SORCS2: variants seen among roughly 807,000 people sequenced by gnomAD.
The protein encoded by SORCS2 is VPS10 domain-containing receptor SorCS2.
SORCS2 carries 100 observed loss-of-function variants against 141.6 expected under a neutral mutation model. That is an observed-to-expected ratio of 0.71 (90% CI 0.60 to 0.83). The LOEUF (loss-of-function observed/expected upper bound fraction) is 0.83, where lower values mean the gene tolerates loss of function less well. Ranked by LOEUF, SORCS2 falls within the 40% of genes least tolerant of loss-of-function variation. SORCS2 has a pLI of 0.00. For synonymous variants in SORCS2, 789 were observed against 676.9 expected, an observed-to-expected ratio of 1.17 and a Z score of -2.57; for missense variants, 1,646 against 1,560.2, an observed-to-expected ratio of 1.05 and a Z score of -0.93.
In SORCS2 at chr4:7,585,320, C is replaced by A. The variant is rs185955114; in HGVS notation, c.649-53008C>A. ...GCATTCCTGCACCAGTATCTCAAAA[C>A]CCGCCGGACTTCCAAGGGGTGGTTT... On this transcript the variant is annotated intron_variant, in intron 3 of 26. Transcript: ENST00000507866. Among the ~76,000 whole-genome samples, 424 of 152,286 alleles carry A rather than the reference C, an allele frequency of 2.8e-3. 1 individual carries two copies. The highest frequency in any genetic ancestry group is 9.6e-3 in the African/African-American group (398 of 41,548).
At chr4:7,498,420 G>A (rs1454195186) in intron 2 of SORCS2, among the ~76,000 whole-genome samples, 5 of 152,210 alleles carry the variant, frequency 3.3e-5, no homozygotes, top group African/African-American at 1.2e-4. Flanking sequence ...GAATGTACAG[G>A]CAAGACGCCA....
At chr4:7,656,543 C>G (rs530311574) in intron 5 of SORCS2, among the ~76,000 whole-genome samples, 2 of 152,322 alleles carry the variant, frequency 1.3e-5, no homozygotes, top group East Asian at 3.9e-4. Context: ...CTTGGATAGG[C>G]TCGGGCCCAC....
At chr4:7,720,729 A>G (rs1726529894) in intron 18 of SORCS2, among the ~76,000 whole-genome samples, 1 of 152,234 alleles carries the variant, frequency 6.6e-6, no homozygotes, top group East Asian at 1.9e-4. Flanking sequence ...AATGACAGGT[A>G]AGCACACGAA....
intron 11 of SORCS2, among the ~76,000 whole-genome samples, chr4:7,695,379 G>A: frequency 1.4e-5 from 1 of 73,094 alleles, no homozygotes; most frequent in Non-Finnish European, 2.6e-5. Context: ...TGGATGGATG[G>A]ATGGATTGGT....
intron 2 of SORCS2, among the ~76,000 whole-genome samples, chr4:7,438,050 G>T (rs956306568): frequency 4.6e-5 from 7 of 152,182 alleles, no homozygotes; most frequent in African/African-American, 1.7e-4. Context: ...TGAAAATAAA[G>T]AACTGTAGTG....
chr4:7,627,645 GA>G (rs1719602209), intron 3 of SORCS2, among the ~76,000 whole-genome samples: 1 of 152,216 alleles, frequency 6.6e-6, no homozygotes, highest in African/African-American at 2.4e-5. Context: ...GAGGAGCCAT[GA>G]AAAATGCCTT....
intron 2 of SORCS2, among the ~76,000 whole-genome samples, chr4:7,455,299 G>GGA (rs1281800301): frequency 2.0e-5 from 1 of 49,316 alleles, no homozygotes; most frequent in African/African-American, 9.4e-5. Context: ...GTTGGGGTCA[G>GGA]GCACTGTGTT....
intron 3 of SORCS2, among the ~76,000 whole-genome samples, chr4:7,593,927 A>G (rs1041400338): frequency 6.6e-6 from 1 of 152,214 alleles, no homozygotes; most frequent in Non-Finnish European, 1.5e-5. Context: ...TGCTCTTGTT[A>G]TGGGAAATGA....
chr4:7,458,807 TC>T (rs1218837999), intron 2 of SORCS2, among the ~76,000 whole-genome samples: 1 of 151,266 alleles, frequency 6.6e-6, no homozygotes, highest in African/African-American at 2.4e-5. Context: ...AGTGGTGGTG[TC>T]CCCAGGGGTC....
chr4:7,513,918 G>A (rs1732815444), intron 2 of SORCS2, among the ~76,000 whole-genome samples: 1 of 152,250 alleles, frequency 6.6e-6, no homozygotes, highest in African/African-American at 2.4e-5. Flanking sequence ...TGTGGCTGGA[G>A]GCGGGTGACG....
At chr4:7,244,269 G>T (rs1016601857) in intron 1 of SORCS2, among the ~76,000 whole-genome samples, 1 of 152,286 alleles carries the variant, frequency 6.6e-6, no homozygotes, top group Admixed American at 6.5e-5. Flanking sequence ...GAACAAGCTT[G>T]GGGGGTGAGT....
intron 3 of SORCS2, among the ~76,000 whole-genome samples, chr4:7,557,993 T>A (rs1714260572): frequency 6.6e-6 from 1 of 152,038 alleles, no homozygotes; most frequent in African/African-American, 2.4e-5. Context: ...GGACTAACAG[T>A]TCAGCCAGAT....
In SORCS2 at chr4:7,729,594, G is replaced by A. The variant is rs1204346675; in HGVS notation, c.2990G>A (p.Ser997Asn). The change falls in exon 23 of 27, where the codon AGC (serine) becomes AAC (asparagine). Residue 997 changes from serine to asparagine, a missense_variant. Transcript: ENST00000507866. ...GCTTAACTCTCCCCGCAGGAGACCA[G>A]CGTCCCTCAGGAGCTTCTGGTGACT... ...VVTRLLSKET[S>N]VPQELLVTVV... 2 of 1,583,696 alleles carry A rather than the reference G, an allele frequency of 1.3e-6. No individual in the cohort carries two copies. Among genetic ancestry groups the A allele is most frequent in the East Asian group, 2.3e-5 (1 of 43,056 alleles).
In SORCS2 at chr4:7,363,045, T is replaced by C. The variant is rs566865302; in HGVS notation, c.481-33243T>C. ...ATCACCATAACCATCATTAACATCA[T>C]CACCACCACCACCATCACTACCGTC... On this transcript the variant is annotated intron_variant, in intron 1 of 26. Transcript: ENST00000507866. Among the ~76,000 whole-genome samples the C allele has an allele frequency of 5.0e-3, 751 of 149,396 alleles. 7 individuals carry two copies. Among genetic ancestry groups the C allele is most frequent in the African/African-American group, 0.018 (722 of 39,412 alleles).
chr4:7,723,214 G>T (rs1056957918), intron 18 of SORCS2, among the ~76,000 whole-genome samples: 1 of 152,120 alleles, frequency 6.6e-6, no homozygotes, highest in Non-Finnish European at 1.5e-5. Context: ...AGAAAATTAA[G>T]AACCGCAGCT....
chr4:7,727,078 A>T (rs1727273964), intron 21 of SORCS2, among the ~76,000 whole-genome samples, 175 bp downstream of exon 21: 1 of 152,172 alleles, frequency 6.6e-6, no homozygotes, highest in East Asian at 1.9e-4. Context: ...GCCTGGGCAA[A>T]GTCTCCCGGT....
chr4:7,455,007 G>A (rs1394459391), intron 2 of SORCS2, among the ~76,000 whole-genome samples: 2 of 134,738 alleles, frequency 1.5e-5, no homozygotes, highest in African/African-American at 2.8e-5. Context: ...CATGCGCCAC[G>A]TTAGGGTCAG....
intron 1 of SORCS2, among the ~76,000 whole-genome samples, chr4:7,374,129 CTCTTTCTTTCTTTCTTTCTTTCTTTCTT>C (rs1162945229): frequency 3.9e-5 from 2 of 51,826 alleles, no homozygotes; most frequent in Non-Finnish European, 8.1e-5. Context: ...CTTTCTTTCC[CTCTTTCTTTCTTTCTTTCTTTCTTTCTT>C]TCTTTCTTTC....
chr4:7,582,139 C>T (rs1716200705), intron 3 of SORCS2, among the ~76,000 whole-genome samples: 1 of 152,166 alleles, frequency 6.6e-6, no homozygotes, highest in Non-Finnish European at 1.5e-5. Flanking sequence ...CATTTATAGG[C>T]ATTAATTCCA....
Sources: gnomAD v4.1 joint callset for allele counts (sites outside exome capture counted in the v4.1 genomes callset) on GRCh38, gnomAD v4.1.1 for gene constraint, MANE v1.5 for transcripts, NCBI Gene and HGNC (gene_info 2026-07-23, HGNC 2026-07-21) for gene names.